GABRG1: variants seen among roughly 807,000 people sequenced by gnomAD.
GABRG1 encodes gamma-aminobutyric acid receptor subunit gamma-1.
A neutral mutation model predicts 49.8 loss-of-function variants in GABRG1; 49 were observed. That is an observed-to-expected ratio of 0.98 (90% confidence interval 0.78 to 1.25). The LOEUF is 1.25. Ranked by LOEUF, GABRG1 falls within the 50% of genes most tolerant of loss-of-function variation. The pLI, the probability that GABRG1 is intolerant of heterozygous loss-of-function variation, is 0.00. For synonymous variants in GABRG1, 232 were observed against 185.1 expected (o/e 1.25, Z -2.06); for missense variants, 552 against 552.3 (o/e 1.00, Z 0.01).
At chr4:46,082,975 T>C (rs1577654296) in intron 3 of GABRG1, among the ~76,000 whole-genome samples, 1 of 151,702 alleles carries the variant, frequency 6.6e-6, no homozygotes, top group Non-Finnish European at 1.5e-5. Flanking sequence ...CTCTTTCTCA[T>C]CTACATCTAT....
Position 46,051,440 on chromosome 4 carries a change from A to T in GABRG1, c.1115T>A (p.Leu372Gln), listed in dbSNP as rs1354990449. ...KGKTATKDRK[L>Q]KNKASMTPGL... ...TTAACATACCGAGGCTTTATTTTTTAGCTTTCTGTCTTTAGTAGCAGTCTT... is the reference window on the plus strand; with the variant it reads ...TTAACATACCGAGGCTTTATTTTTTTGCTTTCTGTCTTTAGTAGCAGTCTT... Residue 372 changes from leucine (L) to glutamine (Q), a missense_variant, in exon 8 of 9, where the codon CTA becomes CAA. Physicochemically the swap from Leu to Gln is moderately radical, Grantham distance 113. Transcript: ENST00000295452. The T allele has an allele frequency of 6.2e-7, 1 of 1,604,168 alleles. No individual in the cohort carries two copies. The highest frequency in any genetic ancestry group is 8.5e-7 in the Non-Finnish European group (1 of 1,176,146).
intron 1 of GABRG1, among the ~76,000 whole-genome samples, chr4:46,117,402 T>C (rs1001189978): frequency 2.0e-5 from 3 of 150,408 alleles, no homozygotes; most frequent in East Asian, 2.0e-4. Flanking sequence ...CTAAATTATA[T>C]AGCCTTCAAT....
At chr4:46,094,567 C>T (rs1720106535) in intron 2 of GABRG1, among the ~76,000 whole-genome samples, 1 of 151,788 alleles carries the variant, frequency 6.6e-6, no homozygotes, top group Non-Finnish European at 1.5e-5. Context: ...GAGTGATGTT[C>T]AAAATAGGTT....
chr4:46,051,112 A>T (rs1010910575), intron 8 of GABRG1, among the ~76,000 whole-genome samples: 5 of 151,924 alleles, frequency 3.3e-5, no homozygotes, highest in African/African-American at 9.7e-5. Flanking sequence ...TTAGAAATGC[A>T]AATCCTAACA....
intron 5 of GABRG1, among the ~76,000 whole-genome samples, chr4:46,062,916 C>T (rs924302578): frequency 7.3e-4 from 111 of 151,998 alleles, no homozygotes; most frequent in African/African-American, 2.5e-3. Flanking sequence ...CTCCCATTCA[C>T]AATTGCTTCA....
chr4:46,077,804 A>AAT (rs1053865685), intron 3 of GABRG1, among the ~76,000 whole-genome samples: 68 of 151,688 alleles, frequency 4.5e-4, no homozygotes, highest in South Asian at 2.3e-3. Flanking sequence ...AAAACAATGA[A>AAT]ATATATATAT....
At position 46,040,476 on chromosome 4, in the gene GABRG1, G is replaced by C. The variant is rs1045531389; in HGVS notation, c.*512C>G. ...TTTCTTCTTGGGAATACAATATCTTGGAAGAAAATCCAAGAAAACTATGGC... is the reference window on the plus strand; with the variant it reads ...TTTCTTCTTGGGAATACAATATCTTCGAAGAAAATCCAAGAAAACTATGGC... On this transcript the variant is annotated 3_prime_UTR_variant, in exon 9 of 9. Coordinates refer to ENST00000295452, the MANE Select transcript of GABRG1 (RefSeq NM_173536.4). The C allele has an allele frequency of 6.6e-6, 1 of 152,194 alleles. No individual in the cohort carries two copies. The highest frequency in any genetic ancestry group is 1.5e-5 in the Non-Finnish European group (1 of 67,932). The allele number at this position is 152,194 out of a possible 1,614,324, so 9.4% of individuals were successfully genotyped here.
intron 1 of GABRG1, among the ~76,000 whole-genome samples, chr4:46,121,552 A>G (rs1020198484): frequency 2.0e-5 from 3 of 152,044 alleles, no homozygotes; most frequent in Admixed American, 6.6e-5. Context: ...ACATGTTCTA[A>G]TAACATTCTC....
At chr4:46,056,326 C>T (rs1718448275) in intron 7 of GABRG1, among the ~76,000 whole-genome samples, 1 of 151,828 alleles carries the variant, frequency 6.6e-6, no homozygotes, top group South Asian at 2.1e-4. Context: ...TTTTCTGAAC[C>T]CCAAAGCATG....
chr4:46,118,381 T>C (rs574465928), intron 1 of GABRG1, among the ~76,000 whole-genome samples: 17 of 150,654 alleles, frequency 1.1e-4, no homozygotes, highest in Admixed American at 3.3e-4. Flanking sequence ...TTGCAACTGA[T>C]GGCAACTTCT....
intron 8 of GABRG1, among the ~76,000 whole-genome samples, chr4:46,048,576 C>A (rs1718092970): frequency 7.8e-6 from 1 of 127,878 alleles, no homozygotes; most frequent in Non-Finnish European, 1.6e-5. Context: ...GTTTAAGTAA[C>A]CTTCTTACTG....
chr4:46,118,524 A>C (rs1182696550), intron 1 of GABRG1, among the ~76,000 whole-genome samples: 1 of 150,996 alleles, frequency 6.6e-6, no homozygotes, highest in Non-Finnish European at 1.5e-5. Flanking sequence ...AGGAATTCTG[A>C]TTTCTGTATC....
At chr4:46,054,721 T>TTC (rs1718368030) in intron 7 of GABRG1, among the ~76,000 whole-genome samples, 1 of 8,768 alleles carries the variant, frequency 1.1e-4, no homozygotes, top group African/African-American at 7.7e-4. Context: ...TTTGCTGAAG[T>TTC]TGCTTATCAG....
intron 2 of GABRG1, among the ~76,000 whole-genome samples, chr4:46,088,767 C>A (rs868339633): frequency 2.1e-4 from 27 of 126,540 alleles, no homozygotes; most frequent in South Asian, 7.4e-4. Flanking sequence ...ACACACACAC[C>A]CCATATATCT....
chr4:46,111,789 C>A (rs191998178), intron 1 of GABRG1, among the ~76,000 whole-genome samples: 2 of 150,984 alleles, frequency 1.3e-5, no homozygotes, highest in Non-Finnish European at 3.0e-5. Context: ...GCTAGCCATA[C>A]GAAGAAGACT....
intron 1 of GABRG1, among the ~76,000 whole-genome samples, chr4:46,109,830 T>A (rs1051540733): frequency 6.6e-6 from 1 of 151,070 alleles, no homozygotes; most frequent in Non-Finnish European, 1.5e-5. Flanking sequence ...TTCCAAGAGA[T>A]CTTCTTGGTA....
chr4:46,123,666 A>C (rs1721165290), intron 1 of GABRG1, 144 bp downstream of exon 1: 1 of 619,782 alleles, frequency 1.6e-6, no homozygotes, highest in Non-Finnish European at 2.9e-6. Context: ...AGATCTAATC[A>C]GAAAATAAAA....
chr4:46,063,122 C>T (rs1459346398), intron 5 of GABRG1, among the ~76,000 whole-genome samples: 1 of 151,530 alleles, frequency 6.6e-6, no homozygotes, highest in Non-Finnish European at 1.5e-5. Flanking sequence ...CAATGCCATC[C>T]CCATCAAGCT....
At chr4:46,081,211 C>T (rs1161243175) in intron 3 of GABRG1, among the ~76,000 whole-genome samples, 1 of 151,724 alleles carries the variant, frequency 6.6e-6, no homozygotes, top group Non-Finnish European at 1.5e-5. Context: ...AGGCTGTTTT[C>T]CCCCATCTCA....
Sources: gnomAD v4.1 joint callset for allele counts (sites outside exome capture counted in the v4.1 genomes callset) on GRCh38, gnomAD v4.1.1 for gene constraint, MANE v1.5 for transcripts, NCBI Gene and HGNC (gene_info 2026-07-23, HGNC 2026-07-21) for gene names.